RIMS2: variants seen among roughly 807,000 people sequenced by gnomAD.
RIMS2 encodes the protein regulating synaptic membrane exocytosis 2.
RIMS2 carries 59 observed loss-of-function variants against 174.4 expected under a neutral mutation model. That is an observed-to-expected ratio of 0.34 (90% CI 0.27 to 0.42). RIMS2 has a LOEUF of 0.42. RIMS2 is among the 10% of genes least tolerant of loss of function. The pLI is 1.00. For missense variants in RIMS2, 1,620 were observed against 1,666.3 expected (o/e 0.97, Z 0.48); for synonymous variants, 606 against 572.5 (o/e 1.06, Z -0.84).
At chr8:103,666,388 A>G (rs748515575) in intron 1 of RIMS2, among the ~76,000 whole-genome samples, 2 of 152,130 alleles carry the variant, frequency 1.3e-5, no homozygotes, top group Non-Finnish European at 2.9e-5. Context: ...AATTCCCTTC[A>G]TTTGGTCAAC....
intron 3 of RIMS2, among the ~76,000 whole-genome samples, chr8:103,834,683 T>TCTTTCTTTCTTTCTTC: frequency 2.8e-5 from 1 of 35,738 alleles, no homozygotes; most frequent in Non-Finnish European, 5.0e-5. Context: ...TCTTTTTCTT[T>TCTTTCTTTCTTTCTTC]CTTTCTTTCT....
intron 3 of RIMS2, among the ~76,000 whole-genome samples, chr8:103,829,366 A>G (rs771762095): frequency 2.0e-5 from 3 of 152,210 alleles, no homozygotes; most frequent in African/African-American, 7.2e-5. Context: ...ATTACTGGGT[A>G]TATACCCAAA....
chr8:104,169,319 TATATATATATATATATATATAA>T (rs1300809599), intron 19 of RIMS2, among the ~76,000 whole-genome samples: 8 of 71,750 alleles, frequency 1.1e-4, no homozygotes, highest in African/African-American at 4.5e-4. Context: ...TATATATATA[TATATATATATATATATATATAA>T]AACAGATTCA....
At chr8:103,611,150 T>G (rs549902843) in intron 1 of RIMS2, among the ~76,000 whole-genome samples, 3 of 152,270 alleles carry the variant, frequency 2.0e-5, no homozygotes, top group South Asian at 2.1e-4. Context: ...GTTTTTTGTT[T>G]TGTTTTGTTT....
chr8:103,514,105 A>G (rs1827865391), intron 1 of RIMS2, among the ~76,000 whole-genome samples: 3 of 152,224 alleles, frequency 2.0e-5, no homozygotes, highest in Admixed American at 1.3e-4. Flanking sequence ...AGGGATGGAT[A>G]CATAAATAGT....
At chr8:104,174,675 A>G (rs1402155139) in intron 19 of RIMS2, among the ~76,000 whole-genome samples, 1 of 152,178 alleles carries the variant, frequency 6.6e-6, no homozygotes, top group Non-Finnish European at 1.5e-5. Flanking sequence ...TACTTCTTAT[A>G]TGAGGAAACT....
At chr8:103,618,444 G>C (rs896391563) in intron 1 of RIMS2, among the ~76,000 whole-genome samples, 17 of 152,092 alleles carry the variant, frequency 1.1e-4, no homozygotes, top group African/African-American at 4.1e-4. Flanking sequence ...AGTACAGCCA[G>C]TGTATGCTGG....
intron 3 of RIMS2, among the ~76,000 whole-genome samples, chr8:103,852,837 G>T (rs993288272): frequency 9.2e-5 from 14 of 151,866 alleles, no homozygotes; most frequent in African/African-American, 3.4e-4. Context: ...CTCTGTCTTT[G>T]CTCTTGTGAA....
At chr8:103,666,618 T>C (rs1219924919) in intron 1 of RIMS2, among the ~76,000 whole-genome samples, 1 of 152,128 alleles carries the variant, frequency 6.6e-6, no homozygotes, top group Non-Finnish European at 1.5e-5. Flanking sequence ...ATTTCTGGTC[T>C]TTTTTGGGGG....
chr8:103,749,444 T>C (rs1192256815), intron 2 of RIMS2, among the ~76,000 whole-genome samples: 1 of 152,158 alleles, frequency 6.6e-6, no homozygotes, highest in Non-Finnish European at 1.5e-5. Flanking sequence ...AAACTCTCTT[T>C]CTTTTCATTT....
At chr8:104,078,932 C>T (rs913926360) in intron 19 of RIMS2, among the ~76,000 whole-genome samples, 12 of 152,020 alleles carry the variant, frequency 7.9e-5, no homozygotes, top group African/African-American at 2.7e-4. Context: ...AAATATGACT[C>T]GCGTAGCCAT....
chr8:103,733,417 T>A (rs1010724071), intron 2 of RIMS2, among the ~76,000 whole-genome samples: 1 of 152,136 alleles, frequency 6.6e-6, no homozygotes, highest in Non-Finnish European at 1.5e-5. Context: ...CCTTGCCACC[T>A]CAGCTGGTGT....
At chr8:104,147,560 A>G (rs2133928485) in intron 19 of RIMS2, among the ~76,000 whole-genome samples, 1 of 152,304 alleles carries the variant, frequency 6.6e-6, no homozygotes, top group Non-Finnish European at 1.5e-5. Context: ...CATCCTTTAA[A>G]TAATGTTTAA....
intron 1 of RIMS2, among the ~76,000 whole-genome samples, chr8:103,636,803 C>CCCG (rs1322508776): frequency 1.2e-4 from 9 of 74,166 alleles, no homozygotes; most frequent in Non-Finnish European, 2.1e-4. Context: ...CCCCCCCCCA[C>CCCG]ACACACACAC....
intron 2 of RIMS2, among the ~76,000 whole-genome samples, chr8:103,733,966 A>C (rs2097647158): frequency 6.8e-6 from 1 of 147,832 alleles, no homozygotes; most frequent in Non-Finnish European, 1.5e-5. Context: ...GGGAATGATC[A>C]CTGGAGGCTT....
At chr8:103,553,723 A>G (rs1324311971) in intron 1 of RIMS2, among the ~76,000 whole-genome samples, 1 of 152,066 alleles carries the variant, frequency 6.6e-6, no homozygotes, top group African/African-American at 2.4e-5. Flanking sequence ...ATATGGAACC[A>G]AAAAAGAGCC....
intron 1 of RIMS2, among the ~76,000 whole-genome samples, chr8:103,624,170 G>T (rs1472561661): frequency 3.9e-5 from 6 of 152,178 alleles, no homozygotes; most frequent in Non-Finnish European, 8.8e-5. Context: ...CTTGAGGTGT[G>T]TCTGTGAATG....
intron 19 of RIMS2, among the ~76,000 whole-genome samples, chr8:104,109,897 T>A (rs2131656362): frequency 6.6e-6 from 1 of 152,336 alleles, no homozygotes; most frequent in Non-Finnish European, 1.5e-5. Context: ...ATTTTATTTC[T>A]TAAATTGCCT....
At chr8:104,121,026 CT>C (rs1327024269) in intron 19 of RIMS2, among the ~76,000 whole-genome samples, 1 of 152,058 alleles carries the variant, frequency 6.6e-6, no homozygotes, top group African/African-American at 2.4e-5. Context: ...CTTTCTCTCT[CT>C]TTTTTTTCTC....
Sources: allele counts gnomAD v4.1 joint callset (sites outside exome capture counted in the v4.1 genomes callset), GRCh38; gene constraint gnomAD v4.1.1; transcripts MANE v1.5; gene names NCBI Gene and HGNC (gene_info 2026-07-23, HGNC 2026-07-21).